EPHB1: variants seen among roughly 807,000 people sequenced by gnomAD.
EPHB1 encodes EPH receptor B1, also known as ephrin type-B receptor 1.
A neutral mutation model predicts 94.4 loss-of-function variants in EPHB1; 30 were observed. The observed-to-expected ratio is 0.32, with a 90% CI of 0.24 to 0.43. The LOEUF is 0.43. Among genes scored for constraint, EPHB1 ranks in the 20% least tolerant of loss-of-function variants. EPHB1 has a pLI of 1.00. For synonymous variants in EPHB1, 522 were observed against 489.1 expected (o/e 1.07, Z -0.89); for missense variants, 1,055 against 1,308.3 (o/e 0.81, Z 2.99).
chr3:135,070,900 C>G (rs772485639), intron 3 of EPHB1, among the ~76,000 whole-genome samples: 1 of 152,114 alleles, frequency 6.6e-6, no homozygotes, highest in Non-Finnish European at 1.5e-5. Flanking sequence ...AAAGGGAGAT[C>G]AGATCATAAG....
chr3:135,227,110 C>T (rs1943421467), intron 12 of EPHB1, among the ~76,000 whole-genome samples: 1 of 152,144 alleles, frequency 6.6e-6, no homozygotes, highest in South Asian at 2.1e-4. Flanking sequence ...AATAATCTTA[C>T]ACATGTACAC....
In EPHB1 at chr3:134,958,165, C is replaced by A. The variant is rs559228074; in HGVS notation, c.805+6113C>A. On this transcript the variant is annotated intron_variant, in intron 3 of 15. Transcript: ENST00000398015. ...CTGGAAACCCAGGGGACATTTTGAA[C>A]CTTTCAACAGTTTCTGCACCTTTGT... Among the ~76,000 whole-genome samples, 4 of 152,290 alleles carry A rather than the reference C, an allele frequency of 2.6e-5. No homozygotes were observed. In the South Asian group the frequency reaches 8.3e-4, roughly 32 times the overall value.
intron 1 of EPHB1, among the ~76,000 whole-genome samples, chr3:134,924,580 G>A (rs1337635658): frequency 6.6e-6 from 1 of 152,124 alleles, no homozygotes; most frequent in African/African-American, 2.4e-5. Context: ...AAAAACAAAT[G>A]ACCATGCCAA....
At chr3:135,121,915 A>G (rs1347646221) in intron 4 of EPHB1, among the ~76,000 whole-genome samples, 3 of 152,162 alleles carry the variant, frequency 2.0e-5, no homozygotes, top group African/African-American at 4.8e-5. Context: ...TCCCTTATGC[A>G]TATGAAGTAC....
At chr3:135,149,332 C>T (rs1057199112) in intron 5 of EPHB1, among the ~76,000 whole-genome samples, 11 of 152,304 alleles carry the variant, frequency 7.2e-5, no homozygotes, top group Admixed American at 3.3e-4. Context: ...GATGTTCAAG[C>T]AAACTATCCC....
In EPHB1 at chr3:135,249,482, T is replaced by A. The variant is rs1201603228; in HGVS notation, c.2837T>A (p.Met946Lys). ...GFTSLQLVTQ[M>K]TSEDLLRIGI... Reference sequence around the variant, plus strand: ...ACCTCCCTCCAGCTGGTCACCCAGATGACATCAGAGTAAGTGATGAGAATC... The same window carrying A: ...ACCTCCCTCCAGCTGGTCACCCAGAAGACATCAGAGTAAGTGATGAGAATC... Residue 946 changes from methionine to lysine, a missense_variant, in exon 15 of 16, where the codon ATG (methionine) becomes AAG (lysine). Transcript: ENST00000398015. The A allele has an allele frequency of 6.2e-7, 1 of 1,613,426 alleles. No homozygotes were observed. The highest frequency in any genetic ancestry group is 1.3e-5 in the African/African-American group (1 of 74,944).
chr3:135,085,384 G>C (rs769209754), intron 3 of EPHB1, among the ~76,000 whole-genome samples: 1 of 152,212 alleles, frequency 6.6e-6, no homozygotes, highest in Non-Finnish European at 1.5e-5. Context: ...GAGTCATTTA[G>C]AACTCCTGCA....
At chr3:134,972,483 T>C (rs1316761642) in intron 3 of EPHB1, among the ~76,000 whole-genome samples, 1 of 138,182 alleles carries the variant, frequency 7.2e-6, no homozygotes, top group Non-Finnish European at 1.6e-5. Flanking sequence ...AAATATATAC[T>C]ATACATTATA....
chr3:134,822,440 G>A (rs2036399980), intron 1 of EPHB1, among the ~76,000 whole-genome samples: 1 of 151,788 alleles, frequency 6.6e-6, no homozygotes, highest in African/African-American at 2.4e-5. Flanking sequence ...CCGGGTGATG[G>A]GGGCACTAAC....
Position 135,069,236 on chromosome 3 carries a change from C to T in EPHB1, c.806-37212C>T, listed in dbSNP as rs549991331. Among the ~76,000 whole-genome samples the T allele has an allele frequency of 3.3e-5, 5 of 151,390 alleles. No individual in the cohort carries two copies. In the South Asian group the frequency reaches 6.3e-4, roughly 19 times the overall value. ...CCATTTTGAGTTAATTTTTGTATTGCGCTCTCTTAAGTAATCAATTCAATT... is the reference window on the plus strand; with the variant it reads ...CCATTTTGAGTTAATTTTTGTATTGTGCTCTCTTAAGTAATCAATTCAATT... On this transcript the variant is annotated intron_variant, in intron 3 of 15. Transcript: ENST00000398015.
At chr3:134,918,075 C>T (rs2038608343) in intron 1 of EPHB1, among the ~76,000 whole-genome samples, 5 of 152,180 alleles carry the variant, frequency 3.3e-5, no homozygotes, top group Admixed American at 3.3e-4. Flanking sequence ...GGGCATCTGA[C>T]CAAGCTCTGT....
Position 134,980,148 on chromosome 3 carries a change from A to T in EPHB1, c.805+28096A>T, listed in dbSNP as rs547547118. Reference sequence around the variant, plus strand: ...GGCTGGGAGATGGAATCATCCAGAGACTTATCACATGCATGGTACCTGGAC... The same window carrying T: ...GGCTGGGAGATGGAATCATCCAGAGTCTTATCACATGCATGGTACCTGGAC... On this transcript the variant is annotated intron_variant, in intron 3 of 15. Coordinates refer to ENST00000398015, the MANE Select transcript of EPHB1 (RefSeq NM_004441.5). Among the ~76,000 whole-genome samples the T allele has an allele frequency of 1.8e-4, 28 of 152,326 alleles. No homozygotes were observed. The South Asian group carries it at 5.6e-3, about 30-fold the overall frequency.
chr3:134,974,918 C>CTTCT (rs1934124432), intron 3 of EPHB1, among the ~76,000 whole-genome samples: 1 of 152,174 alleles, frequency 6.6e-6, no homozygotes, highest in Non-Finnish European at 1.5e-5. Flanking sequence ...CCTCCCTGCC[C>CTTCT]TTCTTCCTTC....
At chr3:134,992,462 T>A (rs1934846245) in intron 3 of EPHB1, among the ~76,000 whole-genome samples, 1 of 152,204 alleles carries the variant, frequency 6.6e-6, no homozygotes. Flanking sequence ...TCAGTTCTTG[T>A]TTCCTGAGAA....
chr3:135,194,439 A>G (rs1942541734), intron 11 of EPHB1, among the ~76,000 whole-genome samples: 1 of 152,232 alleles, frequency 6.6e-6, no homozygotes, highest in Admixed American at 6.5e-5. Flanking sequence ...ATCTGAGATT[A>G]GAGAATGAGG....
At chr3:135,018,326 C>T (rs1215515128) in intron 3 of EPHB1, among the ~76,000 whole-genome samples, 1 of 152,088 alleles carries the variant, frequency 6.6e-6, no homozygotes, top group Non-Finnish European at 1.5e-5. Flanking sequence ...AGCTGACTTC[C>T]TGGGGGCTTC....
chr3:135,177,030 A>T (rs760826747), intron 9 of EPHB1, among the ~76,000 whole-genome samples: 2 of 152,140 alleles, frequency 1.3e-5, no homozygotes, highest in African/African-American at 2.4e-5. Context: ...TTTACTGATG[A>T]TATAACAAGT....
At chr3:134,810,030 A>G (rs1012232070) in intron 1 of EPHB1, among the ~76,000 whole-genome samples, 1 of 152,222 alleles carries the variant, frequency 6.6e-6, no homozygotes, top group Non-Finnish European at 1.5e-5. Context: ...CCTTGCTCAC[A>G]TACTGCATCC....
chr3:135,249,825 C>CTT (rs1254645009), intron 15 of EPHB1, among the ~76,000 whole-genome samples: 1 of 149,270 alleles, frequency 6.7e-6, no homozygotes, highest in Non-Finnish European at 1.5e-5. Flanking sequence ...CCATCTAGTA[C>CTT]TTTAAATAAC....
Sources: allele counts gnomAD v4.1 joint callset (sites outside exome capture counted in the v4.1 genomes callset), GRCh38; gene constraint gnomAD v4.1.1; transcripts MANE v1.5; gene names NCBI Gene and HGNC (gene_info 2026-07-23, HGNC 2026-07-21).